Variants in ATP1B1 observed in about 807,000 individuals in gnomAD.
The protein encoded by ATP1B1 is ATPase Na+/K+ transporting subunit beta 1, also known as sodium/potassium-transporting ATPase subunit beta-1.
ATP1B1 carries 3 observed loss-of-function variants against 39.6 expected under a neutral mutation model. The observed-to-expected ratio is 0.08, with a 90% confidence interval of 0.03 to 0.20. ATP1B1 has a LOEUF of 0.20. Ranked by LOEUF, ATP1B1 falls within the 10% of genes least tolerant of loss-of-function variation. The pLI is 1.00. For missense variants in ATP1B1, 216 were observed against 371.1 expected, an observed-to-expected ratio of 0.58 and a Z score of 3.43; for synonymous variants, 139 against 135.0, an observed-to-expected ratio of 1.03 and a Z score of -0.20.
At chr1:169,116,068 C>T (rs1040157536) in intron 2 of ATP1B1, among the ~76,000 whole-genome samples, 4 of 152,236 alleles carry the variant, frequency 2.6e-5, no homozygotes, top group Admixed American at 6.5e-5. Flanking sequence ...TGCATGCCCA[C>T]GGACATGCAA....
At chr1:169,111,729 C>T (rs1056980986) in intron 2 of ATP1B1, among the ~76,000 whole-genome samples, 5 of 152,166 alleles carry the variant, frequency 3.3e-5, no homozygotes, top group African/African-American at 7.2e-5. Flanking sequence ...GAGGGTGAAG[C>T]GTCCTGGTTC....
At chr1:169,111,659 C>A (rs975123093) in intron 2 of ATP1B1, among the ~76,000 whole-genome samples, 161 bp downstream of exon 2, 8 of 152,182 alleles carry the variant, frequency 5.3e-5, no homozygotes, top group African/African-American at 1.9e-4. Context: ...AGATGTCCTA[C>A]CCGCATTGCA....
intron 2 of ATP1B1, 139 bp from the exon 3 acceptor site, chr1:169,124,745 G>A: frequency 1.1e-6 from 1 of 883,432 alleles, no homozygotes; most frequent in Non-Finnish European, 1.7e-6. Flanking sequence ...TGCCAGAGGA[G>A]TGATTTAACA....
At chr1:169,106,954 C>A (rs1433044521) in intron 1 of ATP1B1, 28 bp downstream of exon 1, 1 of 1,553,982 alleles carries the variant, frequency 6.4e-7, no homozygotes. Context: ...AGCTCCCGGC[C>A]GCCGCGTCTG....
intron 3 of ATP1B1, among the ~76,000 whole-genome samples, chr1:169,126,999 G>A (rs985535690): frequency 6.6e-6 from 1 of 152,168 alleles, no homozygotes; most frequent in Non-Finnish European, 1.5e-5. Flanking sequence ...TGAAGCTTTG[G>A]TGTGGGGCCA....
chr1:169,108,860 T>C (rs1050071350), intron 1 of ATP1B1, among the ~76,000 whole-genome samples: 1 of 152,172 alleles, frequency 6.6e-6, no homozygotes, highest in Non-Finnish European at 1.5e-5. Flanking sequence ...AAAATCCCCT[T>C]TTTGTTTTGT....
chr1:169,110,831 A>G (rs1571219087), intron 1 of ATP1B1: 3 of 486,884 alleles, frequency 6.2e-6, no homozygotes, highest in African/African-American at 2.1e-5. Flanking sequence ...GGAGGATATC[A>G]TCACTGGGTT....
chr1:169,131,315 T>G lies in ATP1B1; in HGVS notation c.672T>G (p.Val224=). The change falls in exon 6 of 6, where the codon GTT becomes GTG. Residue 224 remains valine, a synonymous_variant. Transcript: ENST00000367815. The surrounding 1 kb of genome is among the most constrained non-coding windows in gnomAD (Gnocchi z 4.4). ...TGKRDEDKDK[V]GNVEYFGLGN... The stretch of plus-strand genomic sequence containing the variant: ...AGCGAGATGAAGATAAGGATAAAGT[T>G]GGAAATGTGGAGTATTTTGGACTGG... The G allele has an allele frequency of 6.2e-7, 1 of 1,613,776 alleles. No individual in the cohort carries two copies. The highest frequency in any genetic ancestry group is 8.5e-7 in the Non-Finnish European group (1 of 1,179,872).
Position 169,120,113 on chromosome 1 carries a change from C to T in ATP1B1, c.227-4771C>T, listed in dbSNP as rs116409761. On this transcript the variant is annotated intron_variant, in intron 2 of 5. Transcript: ENST00000367815. The stretch of plus-strand genomic sequence containing the variant: ...GAGAAGTTCTCAGGCCATCAGGCTT[C>T]GGATAAAGAAAAGAGAGGAGGCAGA... 2.6e-3 allele frequency among the ~76,000 whole-genome samples: 392 copies of T among 151,850 alleles called. 1 individual carries two copies. The highest frequency in any genetic ancestry group is 9.0e-3 in the African/African-American group (373 of 41,402).
chr1:169,107,325 G>GT (rs1657617421), intron 1 of ATP1B1, among the ~76,000 whole-genome samples: 1 of 152,128 alleles, frequency 6.6e-6, no homozygotes, highest in African/African-American at 2.4e-5. Flanking sequence ...AGAGAACCTC[G>GT]TGAGGTGATG....
intron 1 of ATP1B1, chr1:169,110,652 C>T: frequency 7.8e-7 from 1 of 1,286,066 alleles, no homozygotes; most frequent in African/African-American, 1.5e-5. Context: ...AAAATGCAGC[C>T]CAGCAAGTCA....
Position 169,106,926 on chromosome 1 carries a change from T to G in ATP1B1, c.97T>G (p.Phe33Val), listed in dbSNP as rs776974246. Residue 33 changes from phenylalanine to valine, a missense_variant and splice_region_variant, in exon 1 of 6, where the codon TTT (phenylalanine) becomes GTT (valine). Coordinates refer to ENST00000367815, the MANE Select transcript of ATP1B1 (RefSeq NM_001677.4). ...EFLGRTGGSW[F>V]KILLFYVIFY... Reference sequence around the variant, plus strand: ...TCTGGGCAGGACCGGTGGCAGTTGGTGTAAGTACGGGGTCCGCAGCTCCCG... The same window carrying G: ...TCTGGGCAGGACCGGTGGCAGTTGGGGTAAGTACGGGGTCCGCAGCTCCCG... 1 of 1,577,544 alleles carries G rather than the reference T, an allele frequency of 6.3e-7. No individual in the cohort carries two copies. The highest frequency in any genetic ancestry group is 1.1e-5 in the South Asian group (1 of 87,150).
intron 1 of ATP1B1, among the ~76,000 whole-genome samples, chr1:169,109,723 A>G: frequency 7.1e-6 from 1 of 140,312 alleles, no homozygotes. Context: ...GAGATGTTTC[A>G]GTTGTTCGAA....
intron 2 of ATP1B1, among the ~76,000 whole-genome samples, chr1:169,119,163 G>T (rs1191288313): frequency 6.6e-6 from 1 of 152,186 alleles, no homozygotes; most frequent in Admixed American, 6.5e-5. Context: ...TCTTTGAAAA[G>T]CAAGTGGGAA....
intron 2 of ATP1B1, among the ~76,000 whole-genome samples, chr1:169,114,418 G>A (rs1657797863): frequency 6.6e-6 from 1 of 152,150 alleles, no homozygotes. Flanking sequence ...AATATTATCA[G>A]CTGAATTTGA....
intron 4 of ATP1B1, among the ~76,000 whole-genome samples, chr1:169,129,474 T>G (rs1471809389): frequency 6.6e-6 from 1 of 152,182 alleles, no homozygotes; most frequent in Non-Finnish European, 1.5e-5. Context: ...TATTGGACTT[T>G]CCTAAGAAAA....
rs915158447 is a variant in ATP1B1, at chr1:169,106,727, G to A, written c.-103G>A. 1.1e-6 allele frequency: 1 copy of A among 912,104 alleles called. No homozygotes were observed. Among genetic ancestry groups the A allele is most frequent in the Non-Finnish European group, 1.6e-6 (1 of 638,592 alleles). The allele number at this position is 912,104 out of a possible 1,614,324, so 56.5% of individuals were successfully genotyped here. On this transcript the variant is annotated 5_prime_UTR_variant, in exon 1 of 6. Coordinates refer to ENST00000367815, the MANE Select transcript of ATP1B1 (RefSeq NM_001677.4). The stretch of plus-strand genomic sequence containing the variant: ...GCAGCGGCAGCGGCGCGTCCTGCCT[G>A]CAGAGAGCCAGGCCGGAGAAGCCGA...
Position 169,130,066 on chromosome 1 carries a change from C to T in ATP1B1, c.624C>T (p.Val208=). Reference sequence around the variant, plus strand: ...CAGTGATGAAGTATAACCCAAATGTCCTTCCCGTTCAGTGCACTGGCAAGG... The same window carrying T: ...CAGTGATGAAGTATAACCCAAATGTTCTTCCCGTTCAGTGCACTGGCAAGG... ...TYPVMKYNPN[V]LPVQCTGKRD... The change falls in exon 5 of 6, where the codon GTC becomes GTT. Residue 208 remains valine, a synonymous_variant. Coordinates refer to ENST00000367815, the MANE Select transcript of ATP1B1 (RefSeq NM_001677.4). 1 of 1,613,904 alleles carries T rather than the reference C, an allele frequency of 6.2e-7. No homozygotes were observed. Among genetic ancestry groups the T allele is most frequent in the Non-Finnish European group, 8.5e-7 (1 of 1,179,922 alleles).
At chr1:169,129,966 GA>G in intron 4 of ATP1B1, 43 bp from the exon 5 acceptor site, 2 of 1,576,566 alleles carry the variant, frequency 1.3e-6, no homozygotes, top group South Asian at 2.2e-5. Context: ...AGAAACTTAA[GA>G]AATCATTTAC....
Sources: gnomAD v4.1 joint callset for allele counts (sites outside exome capture counted in the v4.1 genomes callset) on GRCh38, gnomAD v4.1.1 for gene constraint, Gnocchi (gnomAD v3.1) non-coding constraint, MANE v1.5 for transcripts, NCBI Gene and HGNC (gene_info 2026-07-23, HGNC 2026-07-21) for gene names.